The following UBTD2 variants were observed in gnomAD, a reference collection of about 807,000 sequenced individuals.
The protein encoded by UBTD2 is ubiquitin domain containing 2.
UBTD2 carries 9 observed loss-of-function variants against 19.8 expected under a neutral mutation model. The observed-to-expected ratio is 0.46, with a 90% CI of 0.27 to 0.79. The LOEUF (loss-of-function observed/expected upper bound fraction) is 0.79. UBTD2 is among the 30% of genes least tolerant of loss of function. The pLI is 0.14. For synonymous variants in UBTD2, 98 were observed against 103.9 expected, an observed-to-expected ratio of 0.94 and a Z score of 0.35; for missense variants, 250 against 300.4, an observed-to-expected ratio of 0.83 and a Z score of 1.24.
intron 1 of UBTD2, among the ~76,000 whole-genome samples, chr5:172,255,828 C>A (rs1044981808): frequency 6.6e-6 from 1 of 152,202 alleles, no homozygotes; most frequent in Non-Finnish European, 1.5e-5. Context: ...GTGGCTCACG[C>A]CTGCAATCCC....
intron 2 of UBTD2, among the ~76,000 whole-genome samples, chr5:172,226,064 A>C (rs12656941): frequency 0.29 from 43,177 of 151,484 alleles, 6,297 homozygotes; most frequent in East Asian, 0.39. Context: ...TAGCCTCCCA[A>C]AGTAGCTGGG....
intron 1 of UBTD2, among the ~76,000 whole-genome samples, chr5:172,237,610 G>C (rs912177451): frequency 2.0e-5 from 3 of 152,124 alleles, no homozygotes; most frequent in African/African-American, 7.2e-5. Context: ...CAAAATCTGA[G>C]GCTTGAAGCT....
At chr5:172,226,498 C>T (rs1771768795) in intron 2 of UBTD2, among the ~76,000 whole-genome samples, 1 of 152,136 alleles carries the variant, frequency 6.6e-6, no homozygotes, top group African/African-American at 2.4e-5. Flanking sequence ...AGAAAACACA[C>T]AATAATGTTG....
intron 2 of UBTD2, among the ~76,000 whole-genome samples, chr5:172,218,788 A>AG (rs1771595069): frequency 5.9e-5 from 4 of 67,360 alleles, no homozygotes; most frequent in Admixed American, 5.9e-4. Context: ...AAAAAAAAAA[A>AG]ATAAAAAAAT....
intron 1 of UBTD2, among the ~76,000 whole-genome samples, chr5:172,239,376 C>A (rs948893881): frequency 6.6e-6 from 1 of 152,008 alleles, no homozygotes; most frequent in Admixed American, 6.5e-5. Flanking sequence ...TCACTTGAAG[C>A]CAGGAGTTTG....
intron 1 of UBTD2, among the ~76,000 whole-genome samples, chr5:172,244,641 G>C (rs1256832129): frequency 6.6e-6 from 1 of 151,952 alleles, no homozygotes; most frequent in Non-Finnish European, 1.5e-5. Flanking sequence ...ATTTGGTGCA[G>C]GTCAAGATGT....
intron 2 of UBTD2, among the ~76,000 whole-genome samples, chr5:172,215,486 A>T (rs1771523661): frequency 6.6e-6 from 1 of 152,184 alleles, no homozygotes; most frequent in Non-Finnish European, 1.5e-5. Context: ...AAAAGACTAA[A>T]ACCTCCATAT....
chr5:172,225,128 C>T (rs1185335767), intron 2 of UBTD2, among the ~76,000 whole-genome samples: 2 of 151,866 alleles, frequency 1.3e-5, no homozygotes, highest in African/African-American at 2.4e-5. Context: ...GCTTCATGTC[C>T]TAGCAGAGAC....
chr5:172,277,290 T>G (rs748583256), intron 1 of UBTD2, among the ~76,000 whole-genome samples: 2 of 152,134 alleles, frequency 1.3e-5, no homozygotes. Flanking sequence ...GCTGTGAGAT[T>G]TGCAAATTAT....
chr5:172,280,182 A>G (rs1050901791), intron 1 of UBTD2, among the ~76,000 whole-genome samples: 1 of 151,592 alleles, frequency 6.6e-6, no homozygotes, highest in Admixed American at 6.6e-5. Context: ...CATAACTTCT[A>G]TGACATACCT....
intron 1 of UBTD2, among the ~76,000 whole-genome samples, chr5:172,270,507 C>G (rs553743987): frequency 3.6e-4 from 54 of 151,926 alleles, no homozygotes; most frequent in Admixed American, 1.5e-3. Flanking sequence ...AGGCGCCCAC[C>G]ACCACGCCAG....
intron 2 of UBTD2, among the ~76,000 whole-genome samples, chr5:172,218,111 C>A (rs1271182800): frequency 6.6e-6 from 1 of 152,066 alleles, no homozygotes; most frequent in Non-Finnish European, 1.5e-5. Flanking sequence ...CACACCATAA[C>A]AAAATGAAAT....
At chr5:172,271,109 C>A (rs1172609782) in intron 1 of UBTD2, among the ~76,000 whole-genome samples, 1 of 152,064 alleles carries the variant, frequency 6.6e-6, no homozygotes, top group Non-Finnish European at 1.5e-5. Flanking sequence ...CCCTTCTCTG[C>A]CTTTTCTTCA....
intron 1 of UBTD2, chr5:172,254,732 G>T (rs374722885): frequency 1.0e-5 from 3 of 293,846 alleles, no homozygotes; most frequent in African/African-American, 2.9e-5. Flanking sequence ...CAATGCTTGT[G>T]GGGGGGAACA....
intron 1 of UBTD2, among the ~76,000 whole-genome samples, chr5:172,243,357 G>T (rs937987285): frequency 6.6e-6 from 1 of 152,022 alleles, no homozygotes; most frequent in South Asian, 2.1e-4. Context: ...TACCCAATGT[G>T]ATAGTATTTG....
At chr5:172,215,678 T>G (rs939285696) in intron 2 of UBTD2, among the ~76,000 whole-genome samples, 1 of 152,102 alleles carries the variant, frequency 6.6e-6, no homozygotes, top group African/African-American at 2.4e-5. Context: ...TGCTAATGGC[T>G]CTAATGGATG....
At chr5:172,216,579 C>T (rs1409570533) in intron 2 of UBTD2, among the ~76,000 whole-genome samples, 1 of 117,484 alleles carries the variant, frequency 8.5e-6, no homozygotes, top group Admixed American at 9.6e-5. Context: ...ATAGGGAAAC[C>T]CCATCTCTAC....
intron 1 of UBTD2, among the ~76,000 whole-genome samples, chr5:172,265,608 C>T (rs1353448320): frequency 1.3e-5 from 2 of 152,016 alleles, no homozygotes; most frequent in African/African-American, 2.4e-5. Context: ...GGATTACAGG[C>T]GTGAGCCACC....
chr5:172,283,737 C>A lies in UBTD2; in HGVS notation c.-72G>T, dbSNP rs1207679159. 9.1e-7 allele frequency: 1 copy of A among 1,100,290 alleles called. No individual in the cohort carries two copies. The allele number at this position is 1,100,290 out of a possible 1,614,324, so 68.2% of individuals were successfully genotyped here. A position where few individuals can be genotyped will look rare whatever the true frequency, so the allele number is the denominator to read the frequency against. ...CCCGCCGCCGCCGCCGCTGCAGCCT[C>A]CTCCGGCGCCACCGCCGAGCTCCGG... On this transcript the variant is annotated 5_prime_UTR_variant, in exon 1 of 3. Transcript: ENST00000393792. This position sits in a 1 kb window ranked among gnomAD's most constrained non-coding sequence, Gnocchi z 4.3.
Sources: allele counts gnomAD v4.1 joint callset (sites outside exome capture counted in the v4.1 genomes callset), GRCh38; gene constraint gnomAD v4.1.1; non-coding constraint Gnocchi (gnomAD v3.1); transcripts MANE v1.5; gene names NCBI Gene and HGNC (gene_info 2026-07-23, HGNC 2026-07-21).